Variants in CDK14 observed in about 807,000 individuals in gnomAD.
CDK14 encodes cyclin dependent kinase 14, also known as cyclin-dependent kinase 14.
Under a neutral mutation model 60.7 loss-of-function variants are expected in CDK14, and 34 were observed. The ratio of observed to expected loss-of-function variants is 0.56; its 90% CI spans 0.43 to 0.75. The LOEUF (loss-of-function observed/expected upper bound fraction) is 0.75, where lower values mean the gene tolerates loss of function less well. CDK14 is among the 30% of genes least tolerant of loss of function. The pLI, the probability that CDK14 is intolerant of heterozygous loss-of-function variation, is 0.00. For synonymous variants in CDK14, 197 were observed against 203.7 expected (o/e 0.97, Z 0.28); for missense variants, 482 against 564.1 (o/e 0.85, Z 1.47).
intron 2 of CDK14, among the ~76,000 whole-genome samples, chr7:90,638,664 C>G (rs1483130513): frequency 6.6e-6 from 1 of 152,150 alleles, no homozygotes; most frequent in Non-Finnish European, 1.5e-5. Context: ...TTTCCTGAAT[C>G]TGAACGTTGG....
At chr7:90,768,142 T>C (rs1804641599) in intron 4 of CDK14, among the ~76,000 whole-genome samples, 2 of 152,252 alleles carry the variant, frequency 1.3e-5, no homozygotes. Context: ...AAAAAAGGGC[T>C]CGTTTAATTA....
chr7:90,908,309 C>G (rs189325139), intron 7 of CDK14, among the ~76,000 whole-genome samples: 2 of 152,206 alleles, frequency 1.3e-5, no homozygotes, highest in Admixed American at 6.6e-5. Context: ...ATGTCTTTTG[C>G]ATCCTCAGGA....
At chr7:90,977,822 C>T (rs981643382) in intron 9 of CDK14, among the ~76,000 whole-genome samples, 2 of 152,036 alleles carry the variant, frequency 1.3e-5, no homozygotes, top group African/African-American at 4.8e-5. Flanking sequence ...TTTTTGAGCC[C>T]TTATTATGTG....
chr7:91,208,158 T>TA lies in CDK14; in HGVS notation c.*1029dup, dbSNP rs1194753675. 1.3e-5 allele frequency: 2 copies of TA among 152,602 alleles called. No homozygotes were observed. 9.5% of individuals were successfully genotyped at this position (152,602 alleles called of 1,614,324 possible). ...AAGCACCTTTAAAAAAAATACATTT[T>TA]AAAAAAACATTCCAAGCCAATTGGA... On this transcript the variant is annotated 3_prime_UTR_variant, in exon 15 of 15. Transcript: ENST00000380050.
chr7:91,015,989 A>G (rs1257937894), intron 10 of CDK14, among the ~76,000 whole-genome samples: 10 of 152,128 alleles, frequency 6.6e-5, no homozygotes, highest in Admixed American at 6.5e-4. Flanking sequence ...ATAGGTTATC[A>G]GTATTTTCAT....
chr7:90,867,951 C>T (rs1041650102), intron 6 of CDK14, among the ~76,000 whole-genome samples: 2 of 151,434 alleles, frequency 1.3e-5, no homozygotes, highest in African/African-American at 4.9e-5. Flanking sequence ...CATAGTAAGA[C>T]CTTGTCTCTA....
chr7:90,822,137 A>T (rs1013462813), intron 5 of CDK14, among the ~76,000 whole-genome samples: 3 of 152,212 alleles, frequency 2.0e-5, no homozygotes, highest in African/African-American at 7.2e-5. Context: ...ATTTTGGACG[A>T]TGAGACTGTT....
At chr7:91,129,193 CCATTTACACTGTGTTGA>C (rs1455157152) in intron 14 of CDK14, among the ~76,000 whole-genome samples, 2 of 152,156 alleles carry the variant, frequency 1.3e-5, no homozygotes, top group African/African-American at 4.8e-5. Context: ...ATATTCTTTG[CCATTTACACTGTGTTGA>C]CATTTGCACT....
At position 91,017,270 on chromosome 7, in the gene CDK14, C is replaced by T. The variant is rs148326002; in HGVS notation, c.1042-28627C>T. ...TAAGTACAAACTAGGTCTAAGTTCACATTAGAGGAAGGAAGAGAAAGTGGC... is the reference window on the plus strand; with the variant it reads ...TAAGTACAAACTAGGTCTAAGTTCATATTAGAGGAAGGAAGAGAAAGTGGC... On this transcript the variant is annotated intron_variant, in intron 10 of 14. Transcript: ENST00000380050. 1.2e-3 allele frequency among the ~76,000 whole-genome samples: 177 copies of T among 152,242 alleles called. 1 individual carries two copies. Among genetic ancestry groups the T allele is most frequent in the African/African-American group, 4.1e-3 (170 of 41,536 alleles).
intron 12 of CDK14, among the ~76,000 whole-genome samples, chr7:91,110,000 C>T (rs1171041503): frequency 6.6e-6 from 1 of 151,990 alleles, no homozygotes; most frequent in Non-Finnish European, 1.5e-5. Context: ...AAAAAAGTCT[C>T]CCATCACAAT....
chr7:91,130,953 C>T (rs550298311), intron 14 of CDK14, among the ~76,000 whole-genome samples: 6 of 152,202 alleles, frequency 3.9e-5, no homozygotes, highest in East Asian at 1.9e-4. Context: ...TGTCAGAAAA[C>T]GGGACTTGGG....
intron 10 of CDK14, among the ~76,000 whole-genome samples, chr7:90,985,600 T>C (rs1296653499): frequency 6.6e-6 from 1 of 152,132 alleles, no homozygotes; most frequent in Non-Finnish European, 1.5e-5. Flanking sequence ...AAGAATACAA[T>C]CTGCAGTAGA....
chr7:90,982,337 A>T (rs1795252427), intron 9 of CDK14, among the ~76,000 whole-genome samples: 2 of 152,302 alleles, frequency 1.3e-5, no homozygotes, highest in Admixed American at 1.3e-4. Context: ...TACTCTAGAT[A>T]GTGAAGCAAT....
intron 14 of CDK14, among the ~76,000 whole-genome samples, chr7:91,187,415 A>G (rs902616965): frequency 3.3e-5 from 5 of 152,222 alleles, no homozygotes. Context: ...TCCCATAATT[A>G]TCTTCCTTTT....
intron 2 of CDK14, among the ~76,000 whole-genome samples, chr7:90,649,296 C>CT (rs1203351727): frequency 1.4e-3 from 97 of 69,778 alleles, no homozygotes; most frequent in African/African-American, 6.8e-3. Context: ...TTCTTTCTTT[C>CT]TTTCTTTCTT....
intron 11 of CDK14, among the ~76,000 whole-genome samples, chr7:91,053,027 G>A (rs1159809760): frequency 6.6e-6 from 1 of 151,830 alleles, no homozygotes; most frequent in African/African-American, 2.4e-5. Flanking sequence ...GTCTCTTTAA[G>A]TCCTTCCTCT....
At chr7:90,649,305 T>TTTCTTTCCTTCCTTCC (rs1563029758) in intron 2 of CDK14, among the ~76,000 whole-genome samples, 1 of 50,798 alleles carries the variant, frequency 2.0e-5, no homozygotes, top group East Asian at 7.0e-4. Flanking sequence ...TCTTTCTTTC[T>TTTCTTTCCTTCCTTCC]TTCTTTCCTT....
intron 2 of CDK14, among the ~76,000 whole-genome samples, chr7:90,723,144 G>A (rs79187682): frequency 0.15 from 22,345 of 152,058 alleles, 1,826 homozygotes; most frequent in Middle Eastern, 0.25. Flanking sequence ...TGGTTGAGAG[G>A]TTTTATTGTG....
Position 91,134,186 on chromosome 7 carries a change from T to A in CDK14, c.*28+15978T>A, listed in dbSNP as rs528084293. Among the ~76,000 whole-genome samples, 15 of 152,282 alleles carry A rather than the reference T, an allele frequency of 9.9e-5. No individual in the cohort carries two copies. The South Asian group carries it at 1.5e-3, about 15-fold the overall frequency. On this transcript the variant is annotated intron_variant, in intron 14 of 14. Transcript: ENST00000380050. ...TACTTTCCTATGCCAAGACTAATTC[T>A]ACAACATTGCTTTGTGGGTTGAGAG...
Sources: allele counts gnomAD v4.1 joint callset (sites outside exome capture counted in the v4.1 genomes callset), GRCh38; gene constraint gnomAD v4.1.1; transcripts MANE v1.5; gene names NCBI Gene and HGNC (gene_info 2026-07-23, HGNC 2026-07-21).